The following CNTN5 variants were observed in gnomAD, a reference collection of about 807,000 sequenced individuals.
CNTN5 encodes contactin-5.
A neutral mutation model predicts 129.1 loss-of-function variants in CNTN5; 77 were observed. The observed-to-expected ratio is 0.60, with a 90% CI of 0.50 to 0.72. CNTN5 has a LOEUF of 0.72. Ranked by LOEUF, CNTN5 falls within the 30% of genes least tolerant of loss-of-function variation. The pLI is 0.00. For missense variants in CNTN5, 1,478 were observed against 1,328.8 expected (o/e 1.11, Z -1.75); for synonymous variants, 509 against 465.6 (o/e 1.09, Z -1.20).
chr11:99,523,679 C>CAGAAT (rs1565258769), intron 2 of CNTN5, among the ~76,000 whole-genome samples: 5 of 72,846 alleles, frequency 6.9e-5, no homozygotes, highest in East Asian at 8.0e-4. Context: ...CAGAACAGAA[C>CAGAAT]AGAACAGAAC....
intron 3 of CNTN5, among the ~76,000 whole-genome samples, chr11:99,643,000 T>C (rs1244840447): frequency 6.6e-6 from 1 of 152,228 alleles, no homozygotes; most frequent in African/African-American, 2.4e-5. Flanking sequence ...CTGATTGATA[T>C]ATATTTAGGT....
chr11:100,340,973 G>A, intron 22 of CNTN5, 120 bp from the exon 23 acceptor site: 1 of 736,790 alleles, frequency 1.4e-6, no homozygotes, highest in Non-Finnish European at 2.3e-6. Flanking sequence ...CAGCTGGAAG[G>A]AAGCCTAGAT....
intron 3 of CNTN5, among the ~76,000 whole-genome samples, chr11:99,616,341 T>C (rs969393985): frequency 2.6e-5 from 4 of 152,212 alleles, no homozygotes; most frequent in African/African-American, 9.6e-5. Flanking sequence ...ACCCTGGCTT[T>C]ACACTTCCTG....
chr11:99,724,745 A>G (rs913546549), intron 3 of CNTN5, among the ~76,000 whole-genome samples: 1 of 152,164 alleles, frequency 6.6e-6, no homozygotes, highest in African/African-American at 2.4e-5. Context: ...GCTGAATAAC[A>G]GTATCTGACA....
chr11:99,843,060 GTC>G (rs1183475337), intron 4 of CNTN5, among the ~76,000 whole-genome samples: 1 of 152,076 alleles, frequency 6.6e-6, no homozygotes, highest in African/African-American at 2.4e-5. Flanking sequence ...GCAAAAACCT[GTC>G]TCTACTAAAA....
chr11:99,477,549 C>A (rs143046629), intron 2 of CNTN5, among the ~76,000 whole-genome samples: 2 of 151,580 alleles, frequency 1.3e-5, no homozygotes, highest in African/African-American at 2.4e-5. Context: ...ATGGTATATG[C>A]GTTTATAGAC....
chr11:99,600,857 C>A (rs1417918260), intron 3 of CNTN5, among the ~76,000 whole-genome samples: 4 of 152,138 alleles, frequency 2.6e-5, no homozygotes, highest in Non-Finnish European at 4.4e-5. Context: ...TCAAGAAGCT[C>A]AAAGGTATTT....
intron 17 of CNTN5, among the ~76,000 whole-genome samples, chr11:100,267,909 T>C (rs992029427): frequency 2.0e-5 from 3 of 152,192 alleles, no homozygotes; most frequent in Admixed American, 2.0e-4. Context: ...TGCTTCAATG[T>C]GACAGAAGCT....
chr11:99,912,498 A>G (rs959716990), intron 6 of CNTN5, among the ~76,000 whole-genome samples: 1 of 151,950 alleles, frequency 6.6e-6, no homozygotes, highest in Non-Finnish European at 1.5e-5. Flanking sequence ...TTTTTAATAT[A>G]TAGTATGCAT....
intron 3 of CNTN5, among the ~76,000 whole-genome samples, chr11:99,664,955 A>G (rs891627424): frequency 1.3e-5 from 2 of 152,192 alleles, no homozygotes; most frequent in African/African-American, 4.8e-5. Context: ...TGGTAGCACT[A>G]AAGCTGCTTT....
intron 3 of CNTN5, among the ~76,000 whole-genome samples, chr11:99,649,685 AATTTC>A (rs1952085224): frequency 6.6e-6 from 1 of 151,758 alleles, no homozygotes; most frequent in African/African-American, 2.4e-5. Flanking sequence ...TCTGGAGAGA[AATTTC>A]ATTTGTTTAA....
intron 13 of CNTN5, among the ~76,000 whole-genome samples, chr11:100,155,134 T>C (rs780832179): frequency 6.6e-5 from 10 of 152,336 alleles, no homozygotes; most frequent in South Asian, 2.1e-4. Flanking sequence ...GGTTGTCTTC[T>C]AGGGTTTTCA....
intron 2 of CNTN5, among the ~76,000 whole-genome samples, chr11:99,483,013 A>T (rs1408703076): frequency 6.6e-6 from 1 of 151,854 alleles, no homozygotes; most frequent in Non-Finnish European, 1.5e-5. Flanking sequence ...GTCTCTACTA[A>T]AAATACAAAA....
At chr11:99,291,450 T>C (rs1383990117) in intron 1 of CNTN5, among the ~76,000 whole-genome samples, 1 of 151,906 alleles carries the variant, frequency 6.6e-6, no homozygotes, top group Non-Finnish European at 1.5e-5. Context: ...GGAGTTGTCT[T>C]TTCTAACTAC....
intron 13 of CNTN5, among the ~76,000 whole-genome samples, chr11:100,111,875 G>A (rs939422883): frequency 4.6e-5 from 7 of 152,054 alleles, no homozygotes; most frequent in African/African-American, 1.7e-4. Context: ...TCATGTAAGT[G>A]GAATCATTAA....
At chr11:99,686,749 G>A (rs974304709) in intron 3 of CNTN5, among the ~76,000 whole-genome samples, 1 of 152,096 alleles carries the variant, frequency 6.6e-6, no homozygotes, top group African/African-American at 2.4e-5. Context: ...TCCCACTGTG[G>A]CCAGTAATGG....
At chr11:99,963,734 TA>T (rs1292579843) in intron 8 of CNTN5, among the ~76,000 whole-genome samples, 1 of 152,194 alleles carries the variant, frequency 6.6e-6, no homozygotes, top group Non-Finnish European at 1.5e-5. Context: ...ATTGAATCTA[TA>T]AATTACCTTG....
intron 1 of CNTN5, among the ~76,000 whole-genome samples, chr11:99,250,771 T>C (rs7108969): frequency 0.037 from 5,678 of 151,956 alleles, 361 homozygotes; most frequent in African/African-American, 0.13. Flanking sequence ...TCCCAGATAC[T>C]AAATAGTGAA....
At chr11:99,113,733 G>A (rs1214998055) in intron 1 of CNTN5, among the ~76,000 whole-genome samples, 1 of 152,096 alleles carries the variant, frequency 6.6e-6, no homozygotes, top group African/African-American at 2.4e-5. Context: ...GAAACCATGA[G>A]TGAGTCAAAG....
Sources: allele counts gnomAD v4.1 joint callset (sites outside exome capture counted in the v4.1 genomes callset), GRCh38; gene constraint gnomAD v4.1.1; transcripts MANE v1.5; gene names NCBI Gene and HGNC (gene_info 2026-07-23, HGNC 2026-07-21).